The following KIF5A variants were observed in gnomAD, a reference collection of about 807,000 sequenced individuals.
KIF5A encodes the protein kinesin family member 5A.
KIF5A carries 35 observed loss-of-function variants against 141.3 expected under a neutral mutation model. That is an observed-to-expected ratio of 0.25 (90% CI 0.19 to 0.33). KIF5A has a LOEUF of 0.33. Among genes scored for constraint, KIF5A ranks in the 10% least tolerant of loss-of-function variants. KIF5A has a pLI of 1.00. For synonymous variants in KIF5A, 448 were observed against 500.2 expected, an observed-to-expected ratio of 0.90 and a Z score of 1.39; for missense variants, 861 against 1,314.3, an observed-to-expected ratio of 0.66 and a Z score of 5.33.
chr12:57,565,431 GAAGAA>G (rs751022945), intron 6 of KIF5A, among the ~76,000 whole-genome samples: 1 of 151,506 alleles, frequency 6.6e-6, no homozygotes, highest in South Asian at 2.1e-4. Context: ...TAAAAAAAAA[GAAGAA>G]AAGAAAAGAT....
chr12:57,581,323 C>T, intron 24 of KIF5A, 92 bp from the exon 25 acceptor site: 1 of 1,564,986 alleles, frequency 6.4e-7, no homozygotes, highest in Non-Finnish European at 8.8e-7. Flanking sequence ...ATGTTACAAG[C>T]AACTCAGTTC....
At chr12:57,567,755 G>T in intron 8 of KIF5A, 137 bp downstream of exon 8, 1 of 890,906 alleles carries the variant, frequency 1.1e-6, no homozygotes, top group Non-Finnish European at 1.6e-6. Flanking sequence ...CCGCCTCCTG[G>T]GTTTAAGTGA....
chr12:57,562,856 G>T, intron 1 of KIF5A, among the ~76,000 whole-genome samples: 1 of 151,970 alleles, frequency 6.6e-6, no homozygotes. Flanking sequence ...GTTTCCCAGG[G>T]AGGAGTTTGG....
chr12:57,570,701 C>T (rs1882226315), intron 12 of KIF5A, among the ~76,000 whole-genome samples: 1 of 152,100 alleles, frequency 6.6e-6, no homozygotes, highest in African/African-American at 2.4e-5. Context: ...TGTAATTATA[C>T]ATCTGATTTT....
intron 1 of KIF5A, among the ~76,000 whole-genome samples, chr12:57,556,533 G>C (rs1454695753): frequency 6.6e-6 from 1 of 151,964 alleles, no homozygotes; most frequent in Non-Finnish European, 1.5e-5. Context: ...ATGTAAAGGG[G>C]TTCCTGATGA....
In KIF5A at chr12:57,567,555, C is replaced by T; in HGVS notation, c.651C>T (p.Asn217=). 1 of 1,612,704 alleles carries T rather than the reference C, an allele frequency of 6.2e-7. No homozygotes were observed. Among genetic ancestry groups the T allele is most frequent in the Non-Finnish European group, 8.5e-7 (1 of 1,179,526 alleles). ...TCCTCATCAACATCAAGCAGGAGAACATGGAAACGGAGCAGAAGCTCAGTG... is the reference window on the plus strand; with the variant it reads ...TCCTCATCAACATCAAGCAGGAGAATATGGAAACGGAGCAGAAGCTCAGTG... ...SIFLINIKQE[N]METEQKLSGK... Residue 217 remains asparagine (N), a synonymous_variant, in exon 8 of 29, where the codon AAC becomes AAT. Transcript: ENST00000455537.
At position 57,553,020 on chromosome 12, in the gene KIF5A, G is replaced by A. The variant is rs1471357781; in HGVS notation, c.129+2620G>A. On this transcript the variant is annotated intron_variant, in intron 1 of 28. Coordinates refer to ENST00000455537, the MANE Select transcript of KIF5A (RefSeq NM_004984.4). ...CCAGGAACCTGGGGGATGGGGCTTA[G>A]CCAAAGTTAATGGCCTGAGTCATAG... is the stretch of plus-strand genomic sequence containing the variant. Among the ~76,000 whole-genome samples the A allele has an allele frequency of 2.6e-5, 4 of 152,138 alleles. No homozygotes were observed. The East Asian group carries it at 7.7e-4, about 29-fold the overall frequency.
In KIF5A at chr12:57,550,475, C is replaced by T. The variant is rs2140150324; in HGVS notation, c.129+75C>T. 1 of 1,503,360 alleles carries T rather than the reference C, an allele frequency of 6.7e-7. No individual in the cohort carries two copies. The highest frequency in any genetic ancestry group is 1.7e-5 in the Admixed American group (1 of 58,550). The allele number at this position is 1,503,360 out of a possible 1,614,324, so 93.1% of individuals were successfully genotyped here. On this transcript the variant is annotated intron_variant, in intron 1 of 28. Transcript: ENST00000455537. The surrounding 1 kb of genome is among the most constrained non-coding windows in gnomAD (Gnocchi z 4.6). Reference sequence around the variant, plus strand: ...TCCCCGCCCCCCGCAGAGCCTTAGTCTCTGCTGGTCCCTTTGCTCCCCCTC... The same window carrying T: ...TCCCCGCCCCCCGCAGAGCCTTAGTTTCTGCTGGTCCCTTTGCTCCCCCTC...
At position 57,550,289 on chromosome 12, in the gene KIF5A, C is replaced by T; in HGVS notation, c.18C>T (p.Asn6=). MAETN[N]ECSIKVLCRF... is the part of the protein sequence containing the mutation. Reference sequence around the variant, plus strand: ...CTACCACCATGGCGGAGACCAACAACGAATGTAGCATCAAGGTGCTCTGCC... The same window carrying T: ...CTACCACCATGGCGGAGACCAACAATGAATGTAGCATCAAGGTGCTCTGCC... Residue 6 remains asparagine (N), a synonymous_variant, in exon 1 of 29, where the codon AAC becomes AAT. Coordinates refer to ENST00000455537, the MANE Select transcript of KIF5A (RefSeq NM_004984.4). The surrounding 1 kb of genome is among the most constrained non-coding windows in gnomAD (Gnocchi z 4.6). 1 of 1,614,194 alleles carries T rather than the reference C, an allele frequency of 6.2e-7. No individual in the cohort carries two copies. The highest frequency in any genetic ancestry group is 8.5e-7 in the Non-Finnish European group (1 of 1,180,016).
chr12:57,552,159 TG>T (rs1353875985), intron 1 of KIF5A, among the ~76,000 whole-genome samples: 1 of 152,112 alleles, frequency 6.6e-6, no homozygotes, highest in Admixed American at 6.5e-5. Flanking sequence ...AGGGTGATGA[TG>T]GGGGCAAAAC....
At chr12:57,564,766 A>G (rs758522412) in intron 5 of KIF5A, 152 bp from the exon 6 acceptor site, 43 of 804,254 alleles carry the variant, frequency 5.3e-5, no homozygotes, top group Non-Finnish European at 8.8e-5. Context: ...AGGAGGAGGA[A>G]CTGAGCCTTC....
At chr12:57,560,198 G>A (rs1881869272) in intron 1 of KIF5A, among the ~76,000 whole-genome samples, 1 of 152,000 alleles carries the variant, frequency 6.6e-6, no homozygotes, top group Non-Finnish European at 1.5e-5. Context: ...AGCCAGTTAT[G>A]GCATTATTTT....
At position 57,550,247 on chromosome 12, in the gene KIF5A, T is replaced by TC. The variant is rs1565690557; in HGVS notation, c.-22dup. 1 of 1,613,086 alleles carries TC rather than the reference T, an allele frequency of 6.2e-7. No homozygotes were observed. On this transcript the variant is annotated 5_prime_UTR_variant, in exon 1 of 29. Transcript: ENST00000455537. The surrounding 1 kb of genome is among the most constrained non-coding windows in gnomAD (Gnocchi z 4.6). ...CACCACCCCTGCAGCCCAAGAAGAGTCCCAGCCCCACGCCGGCTACCACCA... is the reference window on the plus strand; with the variant it reads ...CACCACCCCTGCAGCCCAAGAAGAGTCCCCAGCCCCACGCCGGCTACCACCA...
Position 57,586,594 on chromosome 12 carries a change from T to C in KIF5A, c.*2413T>C, listed in dbSNP as rs1204902345. On this transcript the variant is annotated 3_prime_UTR_variant, in exon 29 of 29. Coordinates refer to ENST00000455537, the MANE Select transcript of KIF5A (RefSeq NM_004984.4). ...CCTGTGTGTATTTACTTGGTGTACA[T>C]AGATAACTTTAAAATAAAATAAATT... 2 of 152,234 alleles carry C rather than the reference T, an allele frequency of 1.3e-5. No individual in the cohort carries two copies. Among genetic ancestry groups the C allele is most frequent in the African/African-American group, 4.8e-5 (2 of 41,460 alleles). 9.4% of individuals were successfully genotyped at this position (152,234 alleles called of 1,614,324 possible). A position where few individuals can be genotyped will look rare whatever the true frequency, so the allele number is the denominator to read the frequency against.
Position 57,572,246 on chromosome 12 carries a change from G to A in KIF5A, c.1548G>A (p.Val516=), listed in dbSNP as rs530945643. ...EEKSQQNQLL[V]DELSQKVATM... ...AGAGCCAGCAGAACCAGCTTCTGGT[G>A]GATGAGCTGTCTCAGAAGGTGGTAA... Residue 516 remains valine, a synonymous_variant, in exon 14 of 29, where the codon GTG becomes GTA. Coordinates refer to ENST00000455537, the MANE Select transcript of KIF5A (RefSeq NM_004984.4). The surrounding 1 kb of genome is among the most constrained non-coding windows in gnomAD (Gnocchi z 4.2). 5 of 1,600,526 alleles carry A rather than the reference G, an allele frequency of 3.1e-6. No homozygotes were observed. The African/African-American group carries it at 6.7e-5, about 21-fold the overall frequency.
chr12:57,550,248 C>T lies in KIF5A; in HGVS notation c.-24C>T, dbSNP rs1260033889. 6.2e-7 allele frequency: 1 copy of T among 1,613,694 alleles called. No homozygotes were observed. The highest frequency in any genetic ancestry group is 8.5e-7 in the Non-Finnish European group (1 of 1,179,972). ...ACCACCCCTGCAGCCCAAGAAGAGT[C>T]CCAGCCCCACGCCGGCTACCACCAT... On this transcript the variant is annotated 5_prime_UTR_variant, in exon 1 of 29. Transcript: ENST00000455537. The surrounding 1 kb of genome is among the most constrained non-coding windows in gnomAD (Gnocchi z 4.6).
At chr12:57,553,344 G>A (rs1232624451) in intron 1 of KIF5A, among the ~76,000 whole-genome samples, 1 of 152,152 alleles carries the variant, frequency 6.6e-6, no homozygotes, top group African/African-American at 2.4e-5. Flanking sequence ...GGTTCTTAAT[G>A]CAAGAAACTA....
chr12:57,552,307 T>A (rs114522268), intron 1 of KIF5A, among the ~76,000 whole-genome samples: 1 of 152,080 alleles, frequency 6.6e-6, no homozygotes, highest in Admixed American at 6.6e-5. Flanking sequence ...TGTCGATCTG[T>A]TGTTAGCCCA....
chr12:57,551,047 A>G (rs1414917959), intron 1 of KIF5A, among the ~76,000 whole-genome samples: 1 of 152,008 alleles, frequency 6.6e-6, no homozygotes, highest in Non-Finnish European at 1.5e-5. Context: ...GGTCCCAGGT[A>G]CAGTAGGAAG....
Sources: gnomAD v4.1 joint callset for allele counts (sites outside exome capture counted in the v4.1 genomes callset) on GRCh38, gnomAD v4.1.1 for gene constraint, Gnocchi (gnomAD v3.1) non-coding constraint, MANE v1.5 for transcripts, NCBI Gene and HGNC (gene_info 2026-07-23, HGNC 2026-07-21) for gene names.